ASIC2: variants seen among roughly 807,000 people sequenced by gnomAD.
ASIC2 encodes the protein acid sensing ion channel subunit 2.
ASIC2 carries 25 observed loss-of-function variants against 57.3 expected under a neutral mutation model. That is an observed-to-expected ratio of 0.44 (90% CI 0.32 to 0.61). The LOEUF is 0.61. Among genes scored for constraint, ASIC2 ranks in the 20% least tolerant of loss-of-function variants. The probability of loss-of-function intolerance (pLI) is 0.06; values close to 1 mark genes in which losing one functional copy is unlikely to be tolerated. For missense variants in ASIC2, 641 were observed against 738.1 expected (o/e 0.87, Z 1.52); for synonymous variants, 319 against 307.5 (o/e 1.04, Z -0.39).
intron 3 of ASIC2, among the ~76,000 whole-genome samples, chr17:33,032,806 G>T (rs1184263411): frequency 6.6e-6 from 1 of 152,156 alleles, no homozygotes; most frequent in Non-Finnish European, 1.5e-5. Context: ...AAGAAAGAAA[G>T]TTACGTTTTA....
chr17:33,578,174 C>T (rs1465107236), intron 1 of ASIC2, among the ~76,000 whole-genome samples: 2 of 152,124 alleles, frequency 1.3e-5, no homozygotes, highest in Non-Finnish European at 2.9e-5. Context: ...AACTGAACCC[C>T]TTCCACTCTA....
At chr17:34,068,572 T>C (rs2142065898) in intron 1 of ASIC2, among the ~76,000 whole-genome samples, 1 of 152,282 alleles carries the variant, frequency 6.6e-6, no homozygotes, top group South Asian at 2.1e-4. Flanking sequence ...GGTCTTAGCT[T>C]TTTCCTGTAA....
chr17:33,716,816 T>C (rs1348308374), intron 1 of ASIC2, among the ~76,000 whole-genome samples: 1 of 152,224 alleles, frequency 6.6e-6, no homozygotes, highest in African/African-American at 2.4e-5. Flanking sequence ...CCTCAAGCTA[T>C]CTGTCTATCT....
At chr17:33,525,855 T>C (rs1260740680) in intron 1 of ASIC2, among the ~76,000 whole-genome samples, 1 of 152,196 alleles carries the variant, frequency 6.6e-6, no homozygotes, top group Non-Finnish European at 1.5e-5. Flanking sequence ...CAGGAAGCTT[T>C]CCCAGACCCC....
At chr17:33,797,065 T>C (rs1285731492) in intron 1 of ASIC2, among the ~76,000 whole-genome samples, 1 of 152,140 alleles carries the variant, frequency 6.6e-6, no homozygotes, top group African/African-American at 2.4e-5. Context: ...GTGAGAGCCA[T>C]GAGAGTGGAG....
chr17:33,770,097 T>C (rs183889960), intron 1 of ASIC2, among the ~76,000 whole-genome samples: 2 of 152,334 alleles, frequency 1.3e-5, no homozygotes, highest in East Asian at 1.9e-4. Context: ...TTGCTAGGAC[T>C]CTTTAAATGA....
intron 1 of ASIC2, among the ~76,000 whole-genome samples, chr17:33,203,187 C>T (rs1247062663): frequency 6.6e-6 from 1 of 152,214 alleles, no homozygotes; most frequent in Non-Finnish European, 1.5e-5. Flanking sequence ...TGTTAGAATC[C>T]ATGTCTGTCT....
At chr17:33,722,600 A>G (rs933101628) in intron 1 of ASIC2, among the ~76,000 whole-genome samples, 9 of 132,766 alleles carry the variant, frequency 6.8e-5, no homozygotes, top group Admixed American at 4.3e-4. Context: ...CTCTCTCTAC[A>G]AAAAAGGAAA....
chr17:33,745,644 C>CA (rs1389866161), intron 1 of ASIC2, among the ~76,000 whole-genome samples: 2 of 151,292 alleles, frequency 1.3e-5, no homozygotes, highest in Non-Finnish European at 2.9e-5. Flanking sequence ...ATGACATACT[C>CA]AAAGTGCAGA....
intron 1 of ASIC2, among the ~76,000 whole-genome samples, chr17:33,479,399 G>C (rs922458021): frequency 7.2e-5 from 11 of 152,036 alleles, no homozygotes; most frequent in African/African-American, 2.4e-4. Flanking sequence ...GTGATGTTTT[G>C]GTGAATGTTC....
At chr17:33,617,112 C>T (rs1278238758) in intron 1 of ASIC2, among the ~76,000 whole-genome samples, 1 of 152,134 alleles carries the variant, frequency 6.6e-6, no homozygotes, top group East Asian at 1.9e-4. Context: ...GTAGAAAGCA[C>T]CCTAGGCTTA....
At chr17:33,426,335 T>C (rs1266419976) in intron 1 of ASIC2, among the ~76,000 whole-genome samples, 2 of 152,160 alleles carry the variant, frequency 1.3e-5, no homozygotes, top group East Asian at 3.9e-4. Flanking sequence ...ACGTGAATGC[T>C]CATAATGAGA....
chr17:33,680,016 G>A (rs1907950695), intron 1 of ASIC2, among the ~76,000 whole-genome samples: 1 of 151,932 alleles, frequency 6.6e-6, no homozygotes, highest in Admixed American at 6.5e-5. Flanking sequence ...ATGATACTGG[G>A]GGGTACTGGG....
intron 1 of ASIC2, among the ~76,000 whole-genome samples, chr17:34,032,850 C>T (rs1266744021): frequency 1.3e-5 from 2 of 152,150 alleles, no homozygotes; most frequent in Non-Finnish European, 2.9e-5. Flanking sequence ...CAGGAGTACC[C>T]AGATTCATAA....
At chr17:33,412,675 G>T (rs1910705610) in intron 1 of ASIC2, among the ~76,000 whole-genome samples, 1 of 152,174 alleles carries the variant, frequency 6.6e-6, no homozygotes, top group African/African-American at 2.4e-5. Flanking sequence ...ATCTTGGGTT[G>T]AGTGGATAAA....
chr17:34,129,010 A>T (rs1486228475), intron 1 of ASIC2, among the ~76,000 whole-genome samples: 2 of 152,186 alleles, frequency 1.3e-5, no homozygotes, highest in African/African-American at 4.8e-5. Flanking sequence ...GTGAACATGA[A>T]TACACCGAAG....
At chr17:33,967,571 C>T (rs1469562428) in intron 1 of ASIC2, among the ~76,000 whole-genome samples, 6 of 152,122 alleles carry the variant, frequency 3.9e-5, no homozygotes, top group Non-Finnish European at 1.5e-5. Context: ...GAAGGTGGCT[C>T]AAAAGTCTTC....
At chr17:34,083,459 T>G (rs1454089297) in intron 1 of ASIC2, among the ~76,000 whole-genome samples, 1 of 151,676 alleles carries the variant, frequency 6.6e-6, no homozygotes, top group Non-Finnish European at 1.5e-5. Context: ...TCTTTGCTAT[T>G]GTGAATAGTG....
chr17:33,370,192 C>T (rs11649944), intron 1 of ASIC2, among the ~76,000 whole-genome samples: 53,020 of 151,958 alleles, frequency 0.35, 9,943 homozygotes, highest in Non-Finnish European at 0.41. Flanking sequence ...AATCTGAGCC[C>T]GCAATGCAGG....
Sources: gnomAD v4.1 joint callset for allele counts (sites outside exome capture counted in the v4.1 genomes callset) on GRCh38, gnomAD v4.1.1 for gene constraint, MANE v1.5 for transcripts, NCBI Gene and HGNC (gene_info 2026-07-23, HGNC 2026-07-21) for gene names.